Variants in MGMT observed in about 807,000 individuals in gnomAD.
The protein encoded by MGMT is methylated-DNA--protein-cysteine methyltransferase.
Under a neutral mutation model 15.9 loss-of-function variants are expected in MGMT, and 14 were observed. That is an observed-to-expected ratio of 0.88 (90% CI 0.58 to 1.37). The LOEUF (loss-of-function observed/expected upper bound fraction) is 1.37, where lower values mean the gene tolerates loss of function less well. Among genes scored for constraint, MGMT ranks in the 40% most tolerant of loss-of-function variants. The pLI is 0.00. For synonymous variants in MGMT, 130 were observed against 118.2 expected, an observed-to-expected ratio of 1.10 and a Z score of -0.65; for missense variants, 282 against 268.1, an observed-to-expected ratio of 1.05 and a Z score of -0.36.
chr10:129,633,365 T>G (rs1019137893), intron 2 of MGMT, among the ~76,000 whole-genome samples: 1 of 152,154 alleles, frequency 6.6e-6, no homozygotes, highest in Non-Finnish European at 1.5e-5. Context: ...GGATAAATGC[T>G]TCCGTTAAGT....
At chr10:129,582,279 TTGTGA>T (rs1259946757) in intron 2 of MGMT, among the ~76,000 whole-genome samples, 1 of 152,184 alleles carries the variant, frequency 6.6e-6, no homozygotes, top group Non-Finnish European at 1.5e-5. Context: ...GCTGTGACCA[TTGTGA>T]TCTGAACAAG....
intron 2 of MGMT, among the ~76,000 whole-genome samples, chr10:129,605,616 A>G (rs1281029192): frequency 6.6e-6 from 1 of 152,032 alleles, no homozygotes; most frequent in Non-Finnish European, 1.5e-5. Context: ...TGTGAAGCCC[A>G]TTTTTTCCAC....
chr10:129,475,045 A>G (rs1347078410), intron 1 of MGMT, among the ~76,000 whole-genome samples: 1 of 152,056 alleles, frequency 6.6e-6, no homozygotes, highest in Non-Finnish European at 1.5e-5. Flanking sequence ...GAAGATGTTG[A>G]AGAAGTCCCC....
At chr10:129,708,778 G>A (rs1235683027) in intron 3 of MGMT, among the ~76,000 whole-genome samples, 4 of 152,074 alleles carry the variant, frequency 2.6e-5, no homozygotes, top group African/African-American at 7.2e-5. Flanking sequence ...TGTATATATG[G>A]AGTTGTACAC....
At chr10:129,705,376 A>T (rs892594758) in intron 2 of MGMT, among the ~76,000 whole-genome samples, 7 of 152,240 alleles carry the variant, frequency 4.6e-5, no homozygotes, top group African/African-American at 9.6e-5. Context: ...CCCACAGTAC[A>T]CTTTAAGCCA....
intron 1 of MGMT, among the ~76,000 whole-genome samples, chr10:129,527,894 C>T (rs76299173): frequency 0.089 from 13,459 of 152,056 alleles, 757 homozygotes; most frequent in East Asian, 0.29. Flanking sequence ...CTGCTTCCAG[C>T]GCCAGTGCCT....
At chr10:129,548,045 A>T (rs1163726415) in intron 2 of MGMT, among the ~76,000 whole-genome samples, 1 of 152,246 alleles carries the variant, frequency 6.6e-6, no homozygotes, top group East Asian at 1.9e-4. Flanking sequence ...GTTTTCTGCC[A>T]GGGTGTTTAG....
Position 129,550,939 on chromosome 10 carries a change from C to T in MGMT, c.125+14562C>T, listed in dbSNP as rs997409696. Among the ~76,000 whole-genome samples the T allele has an allele frequency of 2.6e-5, 4 of 152,328 alleles. No individual in the cohort carries two copies. In the East Asian group the frequency reaches 7.7e-4, roughly 29 times the overall value. ...CCCTGAGACCAGAACCCTCTGCCAA[C>T]GTTGGTAGTGCTGTTTCGGCCTGGA... On this transcript the variant is annotated intron_variant, in intron 2 of 4. Transcript: ENST00000651593.
At position 129,659,359 on chromosome 10, in the gene MGMT, G is replaced by GA. The variant is rs758707637; in HGVS notation, c.126-48522dup. 3.6e-3 allele frequency among the ~76,000 whole-genome samples: 506 copies of GA among 141,274 alleles called. 3 individuals carry two copies. The highest frequency in any genetic ancestry group is 0.017 in the East Asian group (83 of 4,874). The allele number at this position is 141,274 out of a possible 152,430, so 92.7% of individuals were successfully genotyped here. The stretch of plus-strand genomic sequence containing the variant: ...GTGGCAGAGCGAGACTCCCTGTGTG[G>GA]AAAAAAAAAAAAAAGATACTCAGAT... On this transcript the variant is annotated intron_variant, in intron 2 of 4. Transcript: ENST00000651593. The surrounding 1 kb of genome is among the most constrained non-coding windows in gnomAD (Gnocchi z 4.1).
intron 2 of MGMT, among the ~76,000 whole-genome samples, chr10:129,650,231 G>A (rs534080371): frequency 6.6e-6 from 1 of 152,254 alleles, no homozygotes; most frequent in East Asian, 1.9e-4. Context: ...AGGGGCTTGA[G>A]CAGCCTTGAG....
intron 2 of MGMT, among the ~76,000 whole-genome samples, chr10:129,583,334 T>G (rs1034997259): frequency 6.6e-6 from 1 of 152,206 alleles, no homozygotes; most frequent in African/African-American, 2.4e-5. Flanking sequence ...TAATTCATTG[T>G]TTTTAGAGGT....
intron 3 of MGMT, among the ~76,000 whole-genome samples, chr10:129,711,530 T>G (rs1848232743): frequency 6.6e-6 from 1 of 152,204 alleles, no homozygotes; most frequent in Admixed American, 6.5e-5. Flanking sequence ...CTGAAGGGAT[T>G]AAGAGGAAAG....
rs745560074 is a variant in MGMT at position 129,534,480 on chromosome 10, A to ATT, written c.-12-1760_-12-1759dup. ...CGGCTCTGGAGTGTGACAGTTGAGG[A>ATT]TTGAATCTTGAGAGTAATGCTTCTA... is the stretch of plus-strand genomic sequence containing the variant. On this transcript the variant is annotated intron_variant, in intron 1 of 4. Coordinates refer to ENST00000651593, the MANE Select transcript of MGMT (RefSeq NM_002412.5). Among the ~76,000 whole-genome samples, 56 of 152,118 alleles carry ATT rather than the reference A, an allele frequency of 3.7e-4. No individual in the cohort carries two copies. The East Asian group carries it at 5.8e-3, about 16-fold the overall frequency.
rs79726616 is a variant in MGMT, at chr10:129,693,274, G to A, written c.126-14621G>A. Reference sequence around the variant, plus strand: ...CATTGCAGTTAACATTTTTAAAGATGAATATCTCACTATTATAAAGGTCAA... The same window carrying A: ...CATTGCAGTTAACATTTTTAAAGATAAATATCTCACTATTATAAAGGTCAA... On this transcript the variant is annotated intron_variant, in intron 2 of 4. Transcript: ENST00000651593. Among the ~76,000 whole-genome samples, 1,079 of 152,236 alleles carry A rather than the reference G, an allele frequency of 7.1e-3. 15 individuals carry two copies. The highest frequency in any genetic ancestry group is 0.024 in the African/African-American group (1,005 of 41,532).
intron 1 of MGMT, among the ~76,000 whole-genome samples, chr10:129,514,194 T>C (rs1845713663): frequency 6.6e-6 from 1 of 152,258 alleles, no homozygotes; most frequent in African/African-American, 2.4e-5. Flanking sequence ...AAATATACAA[T>C]AGAGGTTTTC....
chr10:129,656,567 C>T (rs1444188666), intron 2 of MGMT, among the ~76,000 whole-genome samples: 1 of 152,198 alleles, frequency 6.6e-6, no homozygotes, highest in Non-Finnish European at 1.5e-5. Context: ...ACACGTGCCC[C>T]AGGTGGTCGG....
At chr10:129,716,792 C>A (rs1021369621) in intron 3 of MGMT, among the ~76,000 whole-genome samples, 15 of 152,168 alleles carry the variant, frequency 9.9e-5, no homozygotes, top group Non-Finnish European at 1.9e-4. Flanking sequence ...CAGCACAAAT[C>A]TAGCTGAATG....
Position 129,557,649 on chromosome 10 carries a change from T to G in MGMT, c.125+21272T>G, listed in dbSNP as rs147073440. Among the ~76,000 whole-genome samples the G allele has an allele frequency of 4.7e-4, 71 of 152,334 alleles. No individual in the cohort carries two copies. In the East Asian group the frequency reaches 0.012, roughly 26 times the overall value. Reference sequence around the variant, plus strand: ...TGTCGGTGTTTATAAAGCATTTTAATGATAATTGGGGAAGTTGGTTGTGGG... The same window carrying G: ...TGTCGGTGTTTATAAAGCATTTTAAGGATAATTGGGGAAGTTGGTTGTGGG... On this transcript the variant is annotated intron_variant, in intron 2 of 4. Transcript: ENST00000651593.
intron 2 of MGMT, among the ~76,000 whole-genome samples, chr10:129,602,838 T>G (rs548445739): frequency 2.0e-5 from 3 of 152,142 alleles, no homozygotes; most frequent in Admixed American, 2.0e-4. Context: ...GCCTCAGAAA[T>G]GTCACATACT....
Sources: allele counts gnomAD v4.1 joint callset (sites outside exome capture counted in the v4.1 genomes callset), GRCh38; gene constraint gnomAD v4.1.1; non-coding constraint Gnocchi (gnomAD v3.1); transcripts MANE v1.5; gene names NCBI Gene and HGNC (gene_info 2026-07-23, HGNC 2026-07-21).